Variants in FHIT observed in about 807,000 individuals in gnomAD.
The protein encoded by FHIT is fragile histidine triad diadenosine triphosphatase.
A neutral mutation model predicts 17.9 loss-of-function variants in FHIT; 19 were observed. The ratio of observed to expected loss-of-function variants is 1.06; its 90% CI spans 0.74 to 1.56. The LOEUF (loss-of-function observed/expected upper bound fraction) is 1.56. Among genes scored for constraint, FHIT ranks in the 40% most tolerant of loss-of-function variants. FHIT has a pLI of 0.00. For synonymous variants in FHIT, 81 were observed against 69.7 expected (o/e 1.16, Z -0.81); for missense variants, 248 against 189.2 (o/e 1.31, Z -1.82).
intron 4 of FHIT, among the ~76,000 whole-genome samples, chr3:60,585,640 A>G (rs1299123517): frequency 2.6e-5 from 4 of 152,090 alleles, no homozygotes; most frequent in African/African-American, 9.7e-5. Context: ...ACAACTCAAC[A>G]TAAAGTTAAC....
In FHIT at chr3:60,053,699, G is replaced by A. The variant is rs550105781; in HGVS notation, c.104-39547C>T. Among the ~76,000 whole-genome samples the A allele has an allele frequency of 5.3e-5, 8 of 151,824 alleles. No homozygotes were observed. The South Asian group carries it at 8.3e-4, about 16-fold the overall frequency. On this transcript the variant is annotated intron_variant, in intron 5 of 9. Coordinates refer to ENST00000492590, the MANE Select transcript of FHIT (RefSeq NM_002012.4). The stretch of plus-strand genomic sequence containing the variant: ...CCCACCCCCGCTTTTTTGCTTTCCT[G>A]CAAGTCATATCTGAGTCATACCTAA...
At chr3:61,056,602 G>A (rs1175007937) in intron 2 of FHIT, among the ~76,000 whole-genome samples, 4 of 152,130 alleles carry the variant, frequency 2.6e-5, no homozygotes, top group African/African-American at 4.8e-5. Context: ...TGAATGAAGC[G>A]AAAGAGTGAG....
intron 5 of FHIT, among the ~76,000 whole-genome samples, chr3:60,385,632 T>A (rs1024119985): frequency 6.6e-6 from 1 of 152,162 alleles, no homozygotes; most frequent in African/African-American, 2.4e-5. Flanking sequence ...CAGTCTAGAG[T>A]GCAGTTGCAC....
chr3:61,001,939 C>A (rs1372146272), intron 3 of FHIT, among the ~76,000 whole-genome samples: 2 of 152,046 alleles, frequency 1.3e-5, no homozygotes, highest in African/African-American at 2.4e-5. Flanking sequence ...AAAAAGGGTA[C>A]ACAGGCCCTC....
chr3:60,761,684 G>A lies in FHIT; in HGVS notation c.-18+60235C>T, dbSNP rs569345391. Among the ~76,000 whole-genome samples, 38 of 143,544 alleles carry A rather than the reference G, an allele frequency of 2.6e-4. No homozygotes were observed. In the South Asian group the frequency reaches 6.5e-3, roughly 25 times the overall value. The allele number at this position is 143,544 out of a possible 152,430, so 94.2% of individuals were successfully genotyped here. On this transcript the variant is annotated intron_variant, in intron 4 of 9. Coordinates refer to ENST00000492590, the MANE Select transcript of FHIT (RefSeq NM_002012.4). ...CCAATGCTACAGATGTCTCTCTTTC[G>A]GCTTTAAATACTTCAACTGTGACAA...
At chr3:60,827,337 A>G (rs1429829861) in intron 3 of FHIT, among the ~76,000 whole-genome samples, 1 of 152,230 alleles carries the variant, frequency 6.6e-6, no homozygotes, top group East Asian at 1.9e-4. Flanking sequence ...AGGCACCAGT[A>G]GAATGCTGGC....
chr3:61,022,071 A>G (rs2032469046), intron 3 of FHIT, among the ~76,000 whole-genome samples: 1 of 152,166 alleles, frequency 6.6e-6, no homozygotes, highest in African/African-American at 2.4e-5. Context: ...GGTTTTTGAA[A>G]AGATTAACAA....
At chr3:60,618,149 C>G (rs925266595) in intron 4 of FHIT, 3 of 153,070 alleles carry the variant, frequency 2.0e-5, no homozygotes, top group African/African-American at 7.3e-5. Context: ...GAATTTGGGC[C>G]TTTCAAAAAG....
chr3:60,503,807 G>A (rs2034618261), intron 5 of FHIT, among the ~76,000 whole-genome samples: 1 of 152,106 alleles, frequency 6.6e-6, no homozygotes, highest in African/African-American at 2.4e-5. Flanking sequence ...GGAGAAGATG[G>A]AAGAAAACAA....
rs1360333142 is a variant in FHIT at position 60,129,042 on chromosome 3, C to CTTTTTT, written c.104-114896_104-114891dup. Among the ~76,000 whole-genome samples the CTTTTTT allele has an allele frequency of 1.8e-3, 204 of 112,994 alleles. 3 individuals carry two copies. The highest frequency in any genetic ancestry group is 6.2e-3 in the African/African-American group (182 of 29,290). The allele number at this position is 112,994 out of a possible 152,430, so 74.1% of individuals were successfully genotyped here. ...ACTTAATTTTCCCTTTTCTTCTTTC[C>CTTTTTT]TTTTTTGTTTGTTTTTTTTTTTTTT... is the stretch of plus-strand genomic sequence containing the variant. On this transcript the variant is annotated intron_variant, in intron 5 of 9. Transcript: ENST00000492590.
chr3:61,130,889 T>C (rs537499516), intron 2 of FHIT, among the ~76,000 whole-genome samples: 30 of 152,254 alleles, frequency 2.0e-4, no homozygotes, highest in African/African-American at 7.2e-4. Context: ...ACCCTTTGGG[T>C]TTCATGATTC....
intron 2 of FHIT, among the ~76,000 whole-genome samples, chr3:61,087,724 T>C (rs1185728618): frequency 6.6e-6 from 1 of 152,118 alleles, no homozygotes; most frequent in Non-Finnish European, 1.5e-5. Flanking sequence ...CAAAATTACA[T>C]GTTGTAATTC....
At chr3:61,235,343 C>T (rs547592580) in intron 1 of FHIT, among the ~76,000 whole-genome samples, 17 of 152,072 alleles carry the variant, frequency 1.1e-4, no homozygotes, top group Admixed American at 3.9e-4. Context: ...ATACAAGTAT[C>T]GACTCCATAG....
chr3:60,586,793 G>T (rs1404270447), intron 4 of FHIT, among the ~76,000 whole-genome samples: 1 of 151,938 alleles, frequency 6.6e-6, no homozygotes, highest in African/African-American at 2.4e-5. Flanking sequence ...GCTAAATGAT[G>T]AAAACTCATG....
intron 3 of FHIT, among the ~76,000 whole-genome samples, chr3:60,956,219 T>C (rs1553778811): frequency 6.6e-6 from 1 of 152,186 alleles, no homozygotes; most frequent in Non-Finnish European, 1.5e-5. Flanking sequence ...TGTAAGCCTC[T>C]TAGTTAAGAT....
intron 2 of FHIT, among the ~76,000 whole-genome samples, chr3:61,156,354 C>T (rs2037533780): frequency 2.0e-5 from 3 of 152,090 alleles, no homozygotes; most frequent in Admixed American, 2.0e-4. Flanking sequence ...TTCACAGAAA[C>T]ATTGGTGACC....
intron 5 of FHIT, among the ~76,000 whole-genome samples, chr3:60,503,813 A>C (rs1261757932): frequency 6.6e-6 from 1 of 152,196 alleles, no homozygotes; most frequent in Non-Finnish European, 1.5e-5. Flanking sequence ...GATGGAAGAA[A>C]ACAAAACATT....
chr3:60,775,638 G>C (rs1193281399), intron 4 of FHIT, among the ~76,000 whole-genome samples: 1 of 152,184 alleles, frequency 6.6e-6, no homozygotes, highest in Non-Finnish European at 1.5e-5. Context: ...GGCGCCCAAC[G>C]TGGGGACTCG....
chr3:60,527,643 A>C (rs2035623490), intron 5 of FHIT, among the ~76,000 whole-genome samples: 1 of 152,198 alleles, frequency 6.6e-6, no homozygotes. Flanking sequence ...CTTATTCTTA[A>C]ATGATAATGA....
Sources: gnomAD v4.1 joint callset for allele counts (sites outside exome capture counted in the v4.1 genomes callset) on GRCh38, gnomAD v4.1.1 for gene constraint, MANE v1.5 for transcripts, NCBI Gene and HGNC (gene_info 2026-07-23, HGNC 2026-07-21) for gene names.